The following GRIK3 variants were observed in gnomAD, a reference collection of about 807,000 sequenced individuals.
GRIK3 encodes the protein glutamate ionotropic receptor kainate type subunit 3.
A neutral mutation model predicts 102.5 loss-of-function variants in GRIK3; 29 were observed. The ratio of observed to expected loss-of-function variants is 0.28; its 90% CI spans 0.21 to 0.39. GRIK3 has a LOEUF of 0.39. GRIK3 is among the 10% of genes least tolerant of loss of function. GRIK3 has a pLI of 1.00. For missense variants in GRIK3, 908 were observed against 1,252.4 expected, an observed-to-expected ratio of 0.73 and a Z score of 4.15; for synonymous variants, 511 against 504.9, an observed-to-expected ratio of 1.01 and a Z score of -0.16.
At chr1:36,941,562 G>C (rs1228069221) in intron 1 of GRIK3, among the ~76,000 whole-genome samples, 2 of 152,044 alleles carry the variant, frequency 1.3e-5, no homozygotes, top group African/African-American at 2.4e-5. Context: ...TGGAGGGGGG[G>C]AGTGCTGTAT....
chr1:36,965,910 T>A (rs777803155), intron 1 of GRIK3, among the ~76,000 whole-genome samples: 8 of 152,216 alleles, frequency 5.3e-5, no homozygotes, highest in Non-Finnish European at 8.8e-5. Context: ...GGGGCTCCCA[T>A]GCTCCCGCCA....
chr1:36,961,401 GA>G (rs11409279), intron 1 of GRIK3, among the ~76,000 whole-genome samples: 2 of 151,996 alleles, frequency 1.3e-5, no homozygotes, highest in African/African-American at 4.8e-5. Flanking sequence ...CCCATCAGAG[GA>G]AAAAAAAGCA....
intron 1 of GRIK3, among the ~76,000 whole-genome samples, chr1:37,006,603 T>C (rs1321103992): frequency 2.0e-5 from 3 of 152,250 alleles, no homozygotes; most frequent in African/African-American, 7.2e-5. Flanking sequence ...TCAGGTGAAC[T>C]TACTCTTTAA....
At position 36,827,551 on chromosome 1, in the gene GRIK3, A is replaced by T. The variant is rs114599393; in HGVS notation, c.1531-1725T>A. Among the ~76,000 whole-genome samples, 1,049 of 152,352 alleles carry T rather than the reference A, an allele frequency of 6.9e-3. 14 individuals are homozygous for T. Among genetic ancestry groups the T allele is most frequent in the African/African-American group, 0.023 (973 of 41,576 alleles). On this transcript the variant is annotated intron_variant, in intron 10 of 15. Transcript: ENST00000373091. ...TGTGTCATGAACTCCAACAGACACC[A>T]GGGATACAGAGCTGACCCAAACAGA...
At chr1:36,877,762 C>T (rs1640926275) in intron 3 of GRIK3, among the ~76,000 whole-genome samples, 1 of 152,140 alleles carries the variant, frequency 6.6e-6, no homozygotes, top group Non-Finnish European at 1.5e-5. Flanking sequence ...TTCATCTATC[C>T]TCTCCTCATT....
intron 15 of GRIK3, 50 bp downstream of exon 15, chr1:36,804,937 C>A: frequency 6.3e-7 from 1 of 1,598,056 alleles, no homozygotes; most frequent in Non-Finnish European, 8.5e-7. Flanking sequence ...GTGAAATCAG[C>A]GCGAATCTCC....
chr1:36,916,310 A>G (rs1359213539), intron 1 of GRIK3, among the ~76,000 whole-genome samples: 2 of 152,242 alleles, frequency 1.3e-5, no homozygotes, highest in African/African-American at 2.4e-5. Flanking sequence ...AAAAGGAAAC[A>G]GAGTATAAAA....
chr1:36,805,936 C>CAAAAAAA (rs749853809), intron 14 of GRIK3, among the ~76,000 whole-genome samples, 168 bp downstream of exon 14: 6 of 31,574 alleles, frequency 1.9e-4, no homozygotes, highest in African/African-American at 5.4e-4. Flanking sequence ...AACTCCACCT[C>CAAAAAAA]AAAAAAAAAA....
At chr1:36,870,617 CTAATTGGCT>C (rs1640832515) in intron 4 of GRIK3, among the ~76,000 whole-genome samples, 1 of 152,220 alleles carries the variant, frequency 6.6e-6, no homozygotes, top group Non-Finnish European at 1.5e-5. Flanking sequence ...CTGCAAGAAG[CTAATTGGCT>C]TAACTTCATT....
chr1:36,835,342 C>T (rs1640363549), intron 10 of GRIK3, among the ~76,000 whole-genome samples: 1 of 152,254 alleles, frequency 6.6e-6, no homozygotes, highest in Non-Finnish European at 1.5e-5. Flanking sequence ...CCAAGCCAAA[C>T]CCAGAATGCA....
chr1:36,974,813 C>CA (rs1284883489), intron 1 of GRIK3, among the ~76,000 whole-genome samples: 9 of 118,438 alleles, frequency 7.6e-5, no homozygotes, highest in African/African-American at 2.0e-4. Flanking sequence ...AAAAAAAAAA[C>CA]AAAAAAAAAG....
chr1:36,815,966 G>A (rs991782436), intron 13 of GRIK3, among the ~76,000 whole-genome samples: 1 of 151,866 alleles, frequency 6.6e-6, no homozygotes, highest in Non-Finnish European at 1.5e-5. Context: ...GGCCAGGCTG[G>A]TCTCGAACTC....
intron 4 of GRIK3, among the ~76,000 whole-genome samples, chr1:36,870,586 C>T (rs989940259): frequency 4.6e-5 from 7 of 152,296 alleles, no homozygotes; most frequent in Admixed American, 1.3e-4. Flanking sequence ...CACCTCAGCA[C>T]GTTAAAGTCT....
chr1:36,930,865 CT>C (rs1641580499), intron 1 of GRIK3, among the ~76,000 whole-genome samples: 1 of 152,208 alleles, frequency 6.6e-6, no homozygotes, highest in African/African-American at 2.4e-5. Flanking sequence ...GAGAGCTACC[CT>C]TATCTGCCAG....
At chr1:36,954,431 T>A (rs187695289) in intron 1 of GRIK3, among the ~76,000 whole-genome samples, 8 of 152,318 alleles carry the variant, frequency 5.3e-5, no homozygotes, top group African/African-American at 1.7e-4. Flanking sequence ...AAAGGTCATC[T>A]GCGGGAGAAG....
chr1:37,014,823 A>T (rs1379046234), intron 1 of GRIK3, among the ~76,000 whole-genome samples: 1 of 138,786 alleles, frequency 7.2e-6, no homozygotes, highest in Non-Finnish European at 1.6e-5. Flanking sequence ...GAACCCATTT[A>T]GCCATTTAGC....
At chr1:36,859,557 C>T (rs1462710842) in intron 6 of GRIK3, among the ~76,000 whole-genome samples, 1 of 150,400 alleles carries the variant, frequency 6.6e-6, no homozygotes, top group Non-Finnish European at 1.5e-5. Flanking sequence ...GGCCTTCACA[C>T]CTGTGTGTCA....
intron 4 of GRIK3, among the ~76,000 whole-genome samples, chr1:36,871,060 G>C (rs754653687): frequency 7.2e-5 from 11 of 152,222 alleles, no homozygotes; most frequent in Non-Finnish European, 1.5e-4. Context: ...TGCCTGCTGG[G>C]TGTCAGAAGA....
chr1:37,021,131 A>T (rs1472595917), intron 1 of GRIK3, among the ~76,000 whole-genome samples: 2 of 134,854 alleles, frequency 1.5e-5, no homozygotes, highest in Non-Finnish European at 3.0e-5. Flanking sequence ...TGTCTGTGAG[A>T]GAGAGAGAGA....
Sources: gnomAD v4.1 joint callset for allele counts (sites outside exome capture counted in the v4.1 genomes callset) on GRCh38, gnomAD v4.1.1 for gene constraint, MANE v1.5 for transcripts, NCBI Gene and HGNC (gene_info 2026-07-23, HGNC 2026-07-21) for gene names.